FRMD4A: variants seen among roughly 807,000 people sequenced by gnomAD.
The protein encoded by FRMD4A is FERM domain containing 4A.
Under a neutral mutation model 129.1 loss-of-function variants are expected in FRMD4A, and 29 were observed. The ratio of observed to expected loss-of-function variants is 0.22; its 90% confidence interval spans 0.17 to 0.31. The LOEUF is 0.31. FRMD4A is among the 10% of genes least tolerant of loss of function. The probability of loss-of-function intolerance (pLI) is 1.00; values close to 1 mark genes in which losing one functional copy is unlikely to be tolerated. For synonymous variants in FRMD4A, 634 were observed against 571.6 expected (o/e 1.11, Z -1.56); for missense variants, 1,272 against 1,375.8 (o/e 0.92, Z 1.19).
intron 2 of FRMD4A, among the ~76,000 whole-genome samples, chr10:13,952,004 C>T (rs2095375159): frequency 6.7e-6 from 1 of 150,118 alleles, no homozygotes; most frequent in Non-Finnish European, 1.5e-5. Flanking sequence ...TTTTGGAGTT[C>T]TTAAGAAGTT....
rs139291183 is a variant in FRMD4A at position 13,885,909 on chromosome 10, T to TTC, written c.46-26999_46-26998dup. 0.015 allele frequency among the ~76,000 whole-genome samples: 2,312 copies of TTC among 149,922 alleles called. 133 individuals carry two copies. The East Asian group carries it at 0.19, about 12-fold the overall frequency. ...GTCCTCATCACCCTCCCATCTCTCC[T>TTC]TCTCTCTCTCTCTCTCTCTGGGCAA... is the stretch of plus-strand genomic sequence containing the variant. On this transcript the variant is annotated intron_variant, in intron 2 of 24. Transcript: ENST00000357447.
At chr10:13,778,745 C>A (rs1330574851) in intron 6 of FRMD4A, among the ~76,000 whole-genome samples, 1 of 152,074 alleles carries the variant, frequency 6.6e-6, no homozygotes, top group Non-Finnish European at 1.5e-5. Flanking sequence ...GAACACCTCA[C>A]AGACAAGCGC....
chr10:14,117,063 G>C (rs1392884053), intron 2 of FRMD4A, among the ~76,000 whole-genome samples: 2 of 152,240 alleles, frequency 1.3e-5, no homozygotes, highest in Non-Finnish European at 2.9e-5. Flanking sequence ...CCTCCTGTGG[G>C]CTGTTCCATG....
At chr10:14,127,119 A>C (rs2131820249) in intron 2 of FRMD4A, among the ~76,000 whole-genome samples, 1 of 152,308 alleles carries the variant, frequency 6.6e-6, no homozygotes, top group South Asian at 2.1e-4. Context: ...AAATGGACTG[A>C]CCACAGGAGG....
chr10:14,099,554 C>T (rs1252629129), intron 2 of FRMD4A, among the ~76,000 whole-genome samples: 4 of 152,086 alleles, frequency 2.6e-5, no homozygotes, highest in Non-Finnish European at 4.4e-5. Context: ...CGAAAGTTGG[C>T]CCTGTTTATA....
Position 13,666,272 on chromosome 10 carries a change from C to T in FRMD4A, c.1428G>A (p.Thr476=), listed in dbSNP as rs149660512. ...EREFAIQSQI[T]EAARRLASDP... Reference sequence around the variant, plus strand: ...CACTGGCTAGGCGGCGGGCGGCCTCCGTAATCTGGGACTGAATGGCAAACT... The same window carrying T: ...CACTGGCTAGGCGGCGGGCGGCCTCTGTAATCTGGGACTGAATGGCAAACT... The change falls in exon 18 of 25, where the codon ACG becomes ACA. Residue 476 remains threonine (T), a synonymous_variant. Coordinates refer to ENST00000357447, the MANE Select transcript of FRMD4A (RefSeq NM_018027.5). The T allele has an allele frequency of 1.1e-4, 173 of 1,613,974 alleles. No homozygotes were observed. The highest frequency in any genetic ancestry group is 3.3e-4 in the Middle Eastern group (2 of 6,084).
intron 2 of FRMD4A, among the ~76,000 whole-genome samples, chr10:14,201,702 C>G (rs1842640932): frequency 6.6e-6 from 1 of 152,170 alleles, no homozygotes; most frequent in South Asian, 2.1e-4. Flanking sequence ...CTCTGAGAAG[C>G]CAGGGAGACC....
chr10:14,269,195 C>T (rs1589248079), intron 2 of FRMD4A, among the ~76,000 whole-genome samples: 1 of 152,286 alleles, frequency 6.6e-6, no homozygotes, highest in Middle Eastern at 3.4e-3. Context: ...CATCTATTCA[C>T]AGGATCAGCA....
chr10:14,196,997 T>C (rs774718038), intron 2 of FRMD4A, among the ~76,000 whole-genome samples: 4 of 152,146 alleles, frequency 2.6e-5, no homozygotes, highest in African/African-American at 4.8e-5. Flanking sequence ...AACCAACGAA[T>C]TGGGTGAATC....
intron 22 of FRMD4A, 83 bp downstream of exon 22, chr10:13,656,553 G>T (rs2134647428): frequency 7.7e-7 from 1 of 1,300,476 alleles, no homozygotes; most frequent in South Asian, 2.3e-5. Context: ...AGTCCTAAGG[G>T]TACCTTCCCC....
intron 2 of FRMD4A, among the ~76,000 whole-genome samples, chr10:13,980,706 T>A (rs2095557555): frequency 6.6e-6 from 1 of 152,068 alleles, no homozygotes; most frequent in African/African-American, 2.4e-5. Context: ...GGCAACAGAG[T>A]GAGACCCTGT....
chr10:14,009,460 G>T (rs76202058), intron 2 of FRMD4A, among the ~76,000 whole-genome samples: 4,448 of 152,250 alleles, frequency 0.029, 90 homozygotes, highest in Middle Eastern at 0.041. Context: ...CTGGGCACCA[G>T]CTTTGAGACA....
At chr10:13,814,448 G>A (rs1397632080) in intron 3 of FRMD4A, among the ~76,000 whole-genome samples, 4 of 151,748 alleles carry the variant, frequency 2.6e-5, no homozygotes, top group Non-Finnish European at 5.9e-5. Flanking sequence ...ATGATGGCAT[G>A]CACTTGGGAC....
chr10:13,757,738 T>C (rs1209439334), intron 8 of FRMD4A, among the ~76,000 whole-genome samples: 3 of 152,186 alleles, frequency 2.0e-5, no homozygotes, highest in Admixed American at 6.5e-5. Context: ...ATCAGCACTT[T>C]TGACTTCGTC....
At chr10:13,674,174 G>A (rs11258513) in intron 16 of FRMD4A, among the ~76,000 whole-genome samples, 64,968 of 152,092 alleles carry the variant, frequency 0.43, 14,688 homozygotes, top group Non-Finnish European at 0.5. Flanking sequence ...AAGTGAGATC[G>A]TGGTTTCCTT....
chr10:14,244,888 C>T (rs1844178205), intron 2 of FRMD4A, among the ~76,000 whole-genome samples: 1 of 152,154 alleles, frequency 6.6e-6, no homozygotes, highest in African/African-American at 2.4e-5. Context: ...CATTTCCTGC[C>T]ACCTCTAAAT....
intron 2 of FRMD4A, among the ~76,000 whole-genome samples, chr10:14,223,312 T>C (rs1211643838): frequency 6.6e-6 from 1 of 152,144 alleles, no homozygotes; most frequent in African/African-American, 2.4e-5. Flanking sequence ...AAGGAGAAAA[T>C]TCTTCCTTTC....
chr10:13,768,080 A>G (rs1007227158), intron 6 of FRMD4A, among the ~76,000 whole-genome samples: 14 of 149,988 alleles, frequency 9.3e-5, no homozygotes, highest in East Asian at 2.0e-4. Context: ...GTCTGCAGGT[A>G]TGTGTGTGTG....
chr10:14,286,999 T>C (rs766263511), intron 2 of FRMD4A, among the ~76,000 whole-genome samples: 16 of 152,290 alleles, frequency 1.1e-4, no homozygotes, highest in Non-Finnish European at 1.5e-4. Context: ...ACATAGACTA[T>C]ATTTCGCATC....
Sources: allele counts gnomAD v4.1 joint callset (sites outside exome capture counted in the v4.1 genomes callset), GRCh38; gene constraint gnomAD v4.1.1; transcripts MANE v1.5; gene names NCBI Gene and HGNC (gene_info 2026-07-23, HGNC 2026-07-21).